Variants in KCNB2 observed in about 807,000 individuals in gnomAD.
KCNB2 encodes delayed rectifier potassium channel protein.
A neutral mutation model predicts 61.5 loss-of-function variants in KCNB2; 15 were observed. The ratio of observed to expected loss-of-function variants is 0.24; its 90% CI spans 0.16 to 0.38. The LOEUF (loss-of-function observed/expected upper bound fraction) is 0.38. Among genes scored for constraint, KCNB2 ranks in the 10% least tolerant of loss-of-function variants. The probability of loss-of-function intolerance (pLI) is 1.00; values close to 1 mark genes in which losing one functional copy is unlikely to be tolerated. For synonymous variants in KCNB2, 457 were observed against 446.0 expected, an observed-to-expected ratio of 1.02 and a Z score of -0.31; for missense variants, 828 against 1,125.2, an observed-to-expected ratio of 0.74 and a Z score of 3.78.
intron 2 of KCNB2, among the ~76,000 whole-genome samples, chr8:72,587,144 A>T: frequency 6.6e-6 from 1 of 152,272 alleles, no homozygotes; most frequent in African/African-American, 2.4e-5. Context: ...GAAATAACAA[A>T]TCCTGACTTT....
At chr8:72,720,870 ACT>A (rs1045239379) in intron 2 of KCNB2, among the ~76,000 whole-genome samples, 5 of 152,114 alleles carry the variant, frequency 3.3e-5, no homozygotes, top group African/African-American at 1.2e-4. Context: ...TTTCGTTATA[ACT>A]CTCATGCTTT....
At chr8:72,635,916 T>A (rs1203082159) in intron 2 of KCNB2, among the ~76,000 whole-genome samples, 1 of 152,208 alleles carries the variant, frequency 6.6e-6, no homozygotes, top group African/African-American at 2.4e-5. Flanking sequence ...ACTCGTTGTG[T>A]TACTGAGCAA....
At chr8:72,618,653 GA>G in intron 2 of KCNB2, 1 of 154,672 alleles carries the variant, frequency 6.5e-6, no homozygotes. Context: ...ATTACAAGAG[GA>G]AAAAGGAAGT....
chr8:72,555,526 C>A (rs1458014348), intron 1 of KCNB2, among the ~76,000 whole-genome samples: 1 of 151,588 alleles, frequency 6.6e-6, no homozygotes, highest in Non-Finnish European at 1.5e-5. Flanking sequence ...TGACTACATG[C>A]AGCTTGCAAA....
In KCNB2 at chr8:72,788,381, C is replaced by T. The variant is rs190485653; in HGVS notation, c.580-147554C>T. 5.4e-3 allele frequency among the ~76,000 whole-genome samples: 818 copies of T among 152,040 alleles called. 13 individuals carry two copies. The highest frequency in any genetic ancestry group is 4.7e-3 in the Non-Finnish European group (318 of 67,976). ...GTCCTCATAAGGCATTTTCTTTGTGCGCACATAAAGAAAAGGAGTCCTGGG... is the reference window on the plus strand; with the variant it reads ...GTCCTCATAAGGCATTTTCTTTGTGTGCACATAAAGAAAAGGAGTCCTGGG... On this transcript the variant is annotated intron_variant, in intron 2 of 2. Coordinates refer to ENST00000523207, the MANE Select transcript of KCNB2 (RefSeq NM_004770.3).
chr8:72,672,296 T>C (rs1806577639), intron 2 of KCNB2, among the ~76,000 whole-genome samples: 1 of 152,184 alleles, frequency 6.6e-6, no homozygotes, highest in Non-Finnish European at 1.5e-5. Flanking sequence ...AATTTCTCTA[T>C]TTAGAAACGT....
At chr8:72,543,663 G>T (rs1010191119) in intron 1 of KCNB2, among the ~76,000 whole-genome samples, 3 of 152,156 alleles carry the variant, frequency 2.0e-5, no homozygotes, top group Non-Finnish European at 4.4e-5. Context: ...TAGGACTAGG[G>T]TCTAGTCACA....
At chr8:72,895,731 TA>T (rs1805979059) in intron 2 of KCNB2, among the ~76,000 whole-genome samples, 3 of 152,120 alleles carry the variant, frequency 2.0e-5, no homozygotes, top group Admixed American at 2.0e-4. Flanking sequence ...TCTTTGTCCA[TA>T]AAACCTGTGA....
intron 1 of KCNB2, among the ~76,000 whole-genome samples, chr8:72,561,746 T>TGTATATATATATAC (rs1806528567): frequency 2.7e-5 from 1 of 37,300 alleles, no homozygotes; most frequent in Non-Finnish European, 4.5e-5. Flanking sequence ...TATATATATA[T>TGTATATATATATAC]GTATATATAT....
chr8:72,834,586 A>C (rs1227516250), intron 2 of KCNB2, among the ~76,000 whole-genome samples: 1 of 152,164 alleles, frequency 6.6e-6, no homozygotes, highest in East Asian at 1.9e-4. Flanking sequence ...CACAAACCTG[A>C]GCCAGGCCTA....
intron 2 of KCNB2, among the ~76,000 whole-genome samples, chr8:72,753,214 AT>A (rs1808229469): frequency 6.6e-6 from 1 of 152,144 alleles, no homozygotes; most frequent in Non-Finnish European, 1.5e-5. Context: ...CAGAACATTA[AT>A]TTTCATTCAT....
chr8:72,629,576 G>A (rs1805846996), intron 2 of KCNB2, among the ~76,000 whole-genome samples: 1 of 152,158 alleles, frequency 6.6e-6, no homozygotes, highest in Admixed American at 6.5e-5. Flanking sequence ...TGCTCTGATT[G>A]GCTATGCCTG....
chr8:72,760,000 T>C (rs1013893430), intron 2 of KCNB2, among the ~76,000 whole-genome samples: 4 of 152,164 alleles, frequency 2.6e-5, no homozygotes, highest in South Asian at 2.1e-4. Context: ...GGACAGCCTC[T>C]TCCTAAAACA....
chr8:72,805,155 G>A (rs1409573316), intron 2 of KCNB2, among the ~76,000 whole-genome samples: 3 of 152,162 alleles, frequency 2.0e-5, no homozygotes, highest in Admixed American at 2.0e-4. Flanking sequence ...AGTGCTCAGA[G>A]CCGTGCCTCA....
intron 2 of KCNB2, among the ~76,000 whole-genome samples, chr8:72,773,912 C>T (rs1808605248): frequency 6.6e-6 from 1 of 151,374 alleles, no homozygotes; most frequent in Admixed American, 6.6e-5. Context: ...AATTCAAGAA[C>T]CTAGAGTGAA....
At chr8:72,900,666 C>G (rs1174791367) in intron 2 of KCNB2, among the ~76,000 whole-genome samples, 5 of 152,000 alleles carry the variant, frequency 3.3e-5, no homozygotes, top group Non-Finnish European at 1.5e-5. Flanking sequence ...AAACAAATAG[C>G]CCATAAAAAA....
chr8:72,592,068 C>G (rs1293223133), intron 2 of KCNB2, among the ~76,000 whole-genome samples: 4 of 152,080 alleles, frequency 2.6e-5, no homozygotes, highest in South Asian at 2.1e-4. Flanking sequence ...TCCATCTGCT[C>G]AAGTACTGGA....
chr8:72,638,239 C>T (rs1475485110), intron 2 of KCNB2, among the ~76,000 whole-genome samples: 2 of 152,022 alleles, frequency 1.3e-5, no homozygotes, highest in Non-Finnish European at 2.9e-5. Context: ...TTCTTCTGTC[C>T]TTTCTTCTTT....
intron 2 of KCNB2, among the ~76,000 whole-genome samples, chr8:72,595,009 T>A (rs1807165013): frequency 6.6e-6 from 1 of 152,136 alleles, no homozygotes; most frequent in African/African-American, 2.4e-5. Context: ...CCATTTAGGG[T>A]AAGAGGATTG....
Sources: allele counts gnomAD v4.1 joint callset (sites outside exome capture counted in the v4.1 genomes callset), GRCh38; gene constraint gnomAD v4.1.1; transcripts MANE v1.5; gene names NCBI Gene and HGNC (gene_info 2026-07-23, HGNC 2026-07-21).